The following DENND1A variants were observed in gnomAD, a reference collection of about 807,000 sequenced individuals.
DENND1A encodes DENN domain-containing protein 1A.
DENND1A carries 51 observed loss-of-function variants against 113.7 expected under a neutral mutation model. The observed-to-expected ratio is 0.45, with a 90% CI of 0.36 to 0.57. The LOEUF (loss-of-function observed/expected upper bound fraction) is 0.57, where lower values mean the gene tolerates loss of function less well. Ranked by LOEUF, DENND1A falls within the 20% of genes least tolerant of loss-of-function variation. The pLI is 0.00. For missense variants in DENND1A, 1,258 were observed against 1,395.9 expected (o/e 0.90, Z 1.57); for synonymous variants, 565 against 570.8 (o/e 0.99, Z 0.14).
chr9:123,639,340 G>A (rs2061897961), intron 9 of DENND1A, among the ~76,000 whole-genome samples: 1 of 151,254 alleles, frequency 6.6e-6, no homozygotes, highest in African/African-American at 2.4e-5. Flanking sequence ...TTGGGAGGCT[G>A]AGGCACGAGT....
At chr9:123,910,235 A>T (rs1228988552) in intron 1 of DENND1A, among the ~76,000 whole-genome samples, 1 of 152,240 alleles carries the variant, frequency 6.6e-6, no homozygotes, top group Non-Finnish European at 1.5e-5. Context: ...TTCCACTATT[A>T]AATAACGAGA....
intron 3 of DENND1A, among the ~76,000 whole-genome samples, chr9:123,783,867 G>A (rs572092872): frequency 6.6e-6 from 1 of 152,306 alleles, no homozygotes; most frequent in East Asian, 1.9e-4. Flanking sequence ...TACATTTGAA[G>A]CGTTCACAGA....
At chr9:123,553,398 CCG>C (rs1554875985) in intron 13 of DENND1A, among the ~76,000 whole-genome samples, 765 of 45,570 alleles carry the variant, frequency 0.017, 24 homozygotes, top group African/African-American at 0.085. Flanking sequence ...TTTTTAAAAG[CCG>C]CCCCCCCCCC....
At chr9:123,596,406 A>G (rs1023997744) in intron 11 of DENND1A, among the ~76,000 whole-genome samples, 2 of 152,264 alleles carry the variant, frequency 1.3e-5, no homozygotes, top group Admixed American at 1.3e-4. Context: ...ACCATATTTT[A>G]TATTTACCTA....
intron 22 of DENND1A, among the ~76,000 whole-genome samples, chr9:123,384,598 G>C (rs1299439945): frequency 6.6e-6 from 1 of 152,202 alleles, no homozygotes; most frequent in Admixed American, 6.5e-5. Flanking sequence ...CAGTGAGCAC[G>C]GCTGTCACAC....
chr9:123,431,463 G>C (rs1179618316), intron 19 of DENND1A, among the ~76,000 whole-genome samples: 1 of 152,202 alleles, frequency 6.6e-6, no homozygotes, highest in East Asian at 1.9e-4. Flanking sequence ...CACCTGCCCA[G>C]GTGGCTGCAC....
intron 2 of DENND1A, among the ~76,000 whole-genome samples, chr9:123,806,503 C>G (rs928833358): frequency 2.0e-5 from 3 of 152,068 alleles, no homozygotes; most frequent in African/African-American, 7.2e-5. Context: ...GTGATCTGCC[C>G]GCCTCGGTCT....
At chr9:123,614,746 A>C (rs2060569286) in intron 10 of DENND1A, among the ~76,000 whole-genome samples, 1 of 152,224 alleles carries the variant, frequency 6.6e-6, no homozygotes. Flanking sequence ...CACTGTTTAC[A>C]CATAGGTATC....
intron 11 of DENND1A, among the ~76,000 whole-genome samples, chr9:123,592,654 C>A (rs2059511520): frequency 6.6e-6 from 1 of 152,116 alleles, no homozygotes; most frequent in Non-Finnish European, 1.5e-5. Flanking sequence ...TAGTGGGTTT[C>A]TGTGTTGGTT....
chr9:123,683,109 A>G (rs1455392988), intron 5 of DENND1A, among the ~76,000 whole-genome samples: 1 of 152,226 alleles, frequency 6.6e-6, no homozygotes, highest in African/African-American at 2.4e-5. Flanking sequence ...CTATAATAAA[A>G]TGCAAATTTG....
At chr9:123,476,972 C>A (rs754524923) in intron 13 of DENND1A, among the ~76,000 whole-genome samples, 1 of 152,182 alleles carries the variant, frequency 6.6e-6, no homozygotes, top group East Asian at 1.9e-4. Flanking sequence ...CAGATAGAAC[C>A]TTCCAGGGTA....
chr9:123,575,012 AAC>A (rs1230155694), intron 12 of DENND1A, among the ~76,000 whole-genome samples: 9 of 152,208 alleles, frequency 5.9e-5, no homozygotes, highest in African/African-American at 2.2e-4. Flanking sequence ...TCTGGTTTAG[AAC>A]AGTTTGTCTT....
intron 13 of DENND1A, among the ~76,000 whole-genome samples, chr9:123,503,134 G>A (rs2052631882): frequency 6.6e-6 from 1 of 152,136 alleles, no homozygotes. Flanking sequence ...TTGAGATGGA[G>A]GTTATCTACG....
intron 18 of DENND1A, among the ~76,000 whole-genome samples, chr9:123,443,900 T>G (rs1170661532): frequency 6.6e-6 from 1 of 151,876 alleles, no homozygotes; most frequent in African/African-American, 2.4e-5. Flanking sequence ...GAGGCTGTAG[T>G]GAGCCGTGAT....
At chr9:123,446,151 G>C (rs1342128516) in intron 18 of DENND1A, among the ~76,000 whole-genome samples, 2 of 152,180 alleles carry the variant, frequency 1.3e-5, no homozygotes, top group Admixed American at 1.3e-4. Flanking sequence ...GGCCCCTATG[G>C]GCAGAGGCCT....
At chr9:123,916,953 G>A (rs960075698) in intron 1 of DENND1A, among the ~76,000 whole-genome samples, 3 of 151,972 alleles carry the variant, frequency 2.0e-5, no homozygotes, top group Admixed American at 6.6e-5. Flanking sequence ...ACTTTGGGAG[G>A]CCAAAGTGGG....
intron 2 of DENND1A, among the ~76,000 whole-genome samples, chr9:123,858,957 A>T (rs1001395429): frequency 1.3e-5 from 2 of 152,238 alleles, no homozygotes; most frequent in Non-Finnish European, 2.9e-5. Context: ...AAAAAAATCC[A>T]TACAAAAATA....
chr9:123,901,573 A>C (rs1451962267), intron 1 of DENND1A, among the ~76,000 whole-genome samples: 1 of 152,168 alleles, frequency 6.6e-6, no homozygotes, highest in African/African-American at 2.4e-5. Flanking sequence ...CCCTAGAAAA[A>C]TCTCAATTTC....
chr9:123,854,657 T>G (rs1258359152), intron 2 of DENND1A, among the ~76,000 whole-genome samples: 2 of 150,992 alleles, frequency 1.3e-5, no homozygotes. Flanking sequence ...ATCATGCCAT[T>G]GCACTCCAGC....
Sources: gnomAD v4.1 joint callset for allele counts (sites outside exome capture counted in the v4.1 genomes callset) on GRCh38, gnomAD v4.1.1 for gene constraint, MANE v1.5 for transcripts, NCBI Gene and HGNC (gene_info 2026-07-23, HGNC 2026-07-21) for gene names.